HSPA4: variants seen among roughly 807,000 people sequenced by gnomAD.
The protein encoded by HSPA4 is heat shock protein family A (Hsp70) member 4, also known as heat shock 70 kDa protein 4.
In HSPA4, 25 loss-of-function variants were observed where a neutral mutation model predicts 106.2. That is an observed-to-expected ratio of 0.24 (90% CI 0.17 to 0.33). The LOEUF (loss-of-function observed/expected upper bound fraction) is 0.33. Ranked by LOEUF, HSPA4 falls within the 10% of genes least tolerant of loss-of-function variation. The probability of loss-of-function intolerance (pLI) is 1.00; values close to 1 mark genes in which losing one functional copy is unlikely to be tolerated. For missense variants in HSPA4, 841 were observed against 996.0 expected, an observed-to-expected ratio of 0.84 and a Z score of 2.10; for synonymous variants, 332 against 333.6, an observed-to-expected ratio of 1.00 and a Z score of 0.05.
At chr5:133,068,619 TAAAG>T (rs1303654507) in intron 3 of HSPA4, among the ~76,000 whole-genome samples, 1 of 152,166 alleles carries the variant, frequency 6.6e-6, no homozygotes, top group African/African-American at 2.4e-5. Flanking sequence ...TTCTGAAAAT[TAAAG>T]AATGATGACT....
rs543376808 is a variant in HSPA4, at chr5:133,073,963, T to C, written c.530-30T>C. ...ATGAATTTTATTTACTTAGACGTTATTTTTAATTTTTGTGTTTTTTCTTCT... is the reference window on the plus strand; with the variant it reads ...ATGAATTTTATTTACTTAGACGTTACTTTTAATTTTTGTGTTTTTTCTTCT... On this transcript the variant is annotated intron_variant, in intron 5 of 18. Coordinates refer to ENST00000304858, the MANE Select transcript of HSPA4 (RefSeq NM_002154.4). 6 of 1,505,948 alleles carry C rather than the reference T, an allele frequency of 4.0e-6. No homozygotes were observed. The African/African-American group carries it at 8.5e-5, about 21-fold the overall frequency. 93.3% of individuals were successfully genotyped at this position (1,505,948 alleles called of 1,614,324 possible).
intron 1 of HSPA4, among the ~76,000 whole-genome samples, chr5:133,053,328 C>CT (rs58722769): frequency 0.23 from 29,271 of 128,738 alleles, 4,014 homozygotes; most frequent in Non-Finnish European, 0.29. Context: ...GGTCTCTCTT[C>CT]TTTTTTTTTT....
rs539728489 is a variant in HSPA4 at position 133,066,770 on chromosome 5, A to G, written c.166-647A>G. ...TTTTTTTTTGAGAGTGCAGTTTTTG[A>G]GAGTGCAGTGGCCCTGTCAGCGCAA... On this transcript the variant is annotated intron_variant, in intron 2 of 18. Coordinates refer to ENST00000304858, the MANE Select transcript of HSPA4 (RefSeq NM_002154.4). Among the ~76,000 whole-genome samples the G allele has an allele frequency of 2.4e-5, 3 of 127,288 alleles. No homozygotes were observed. In the East Asian group the frequency reaches 7.3e-4, roughly 31 times the overall value. 83.5% of individuals were successfully genotyped at this position (127,288 alleles called of 152,430 possible). A position where few individuals can be genotyped will look rare whatever the true frequency, so the allele number is the denominator to read the frequency against.
chr5:133,075,126 G>GT (rs1314404208), intron 6 of HSPA4, among the ~76,000 whole-genome samples: 1 of 151,972 alleles, frequency 6.6e-6, no homozygotes, highest in Non-Finnish European at 1.5e-5. Flanking sequence ...GTTTTATATT[G>GT]TTTCTAGGTG....
At position 133,092,662 on chromosome 5, in the gene HSPA4, C is replaced by T. The variant is rs769005001; in HGVS notation, c.1561-38C>T. The T allele has an allele frequency of 1.7e-5, 23 of 1,342,640 alleles. No homozygotes were observed. In the South Asian group the frequency reaches 2.5e-4, roughly 15 times the overall value. 83.2% of individuals were successfully genotyped at this position (1,342,640 alleles called of 1,614,324 possible). On this transcript the variant is annotated intron_variant, in intron 12 of 18. Transcript: ENST00000304858. ...CAATGTGTAATGAAGGTTGTTTAGTCTTCCTAATTGCAGGATTTAATTTGA... is the reference window on the plus strand; with the variant it reads ...CAATGTGTAATGAAGGTTGTTTAGTTTTCCTAATTGCAGGATTTAATTTGA...
intron 4 of HSPA4, among the ~76,000 whole-genome samples, chr5:133,070,860 C>G (rs1051469001): frequency 6.6e-6 from 1 of 152,174 alleles, no homozygotes; most frequent in Non-Finnish European, 1.5e-5. Context: ...CGAGATCATG[C>G]CATTGCACTT....
chr5:133,072,448 G>A (rs145992490), intron 4 of HSPA4, among the ~76,000 whole-genome samples: 77 of 141,204 alleles, frequency 5.5e-4, no homozygotes, highest in African/African-American at 1.9e-3. Context: ...TTCCCAGCTG[G>A]GAGTGCAGTG....
chr5:133,105,507 A>C lies in HSPA4; in HGVS notation c.*1071A>C, dbSNP rs987700848. ...AAGTGTGGTGCCTGATGTTATAACA[A>C]CACCTCATTCTTAACTGTGTGGCCA... On this transcript the variant is annotated 3_prime_UTR_variant, in exon 19 of 19. Transcript: ENST00000304858. 1 of 152,188 alleles carries C rather than the reference A, an allele frequency of 6.6e-6. No homozygotes were observed. The highest frequency in any genetic ancestry group is 1.5e-5 in the Non-Finnish European group (1 of 68,040). The allele number at this position is 152,188 out of a possible 1,614,324, so 9.4% of individuals were successfully genotyped here.
In HSPA4 at chr5:133,096,254, G is replaced by C. The variant is rs200008798; in HGVS notation, c.1803+4G>C. The C allele has an allele frequency of 6.2e-7, 1 of 1,610,468 alleles. No homozygotes were observed. Among genetic ancestry groups the C allele is most frequent in the East Asian group, 2.2e-5 (1 of 44,810 alleles). ...CAACTTGTACATTGAAAATGAGGTT[G>C]TTATTTAAAGTCTATTGGAACAATG... On this transcript the variant is annotated splice_donor_region_variant and intron_variant, in intron 14 of 18. Coordinates refer to ENST00000304858, the MANE Select transcript of HSPA4 (RefSeq NM_002154.4).
chr5:133,067,432 A>G lies in HSPA4; in HGVS notation c.181A>G (p.Lys61Glu). Residue 61 changes from lysine (K) to glutamate (E), a missense_variant, in exon 3 of 19, where the codon AAG becomes GAG. Lys to Glu is a moderately conservative substitution (Grantham distance 56, BLOSUM62 1). Transcript: ENST00000304858. ...AAKSQVISNA[K>E]NTVQGFKRFH... ...TTTCTCTTAGGTAATTTCTAATGCA[A>G]AGAACACAGTCCAAGGATTTAAAAG... The G allele has an allele frequency of 6.2e-7, 1 of 1,612,186 alleles. No individual in the cohort carries two copies. Among genetic ancestry groups the G allele is most frequent in the Non-Finnish European group, 8.5e-7 (1 of 1,179,280 alleles).
At chr5:133,080,001 G>C (rs1765493862) in intron 7 of HSPA4, among the ~76,000 whole-genome samples, 2 of 152,152 alleles carry the variant, frequency 1.3e-5, no homozygotes, top group African/African-American at 4.8e-5. Flanking sequence ...CTTAAATGCA[G>C]TAACAATCTA....
chr5:133,054,627 C>G (rs1765136103), intron 1 of HSPA4, among the ~76,000 whole-genome samples: 1 of 152,192 alleles, frequency 6.6e-6, no homozygotes, highest in African/African-American at 2.4e-5. Flanking sequence ...TTATCACTCC[C>G]CCAAAGCCCT....
chr5:133,096,013 C>A, intron 13 of HSPA4, 85 bp from the exon 14 acceptor site: 1 of 1,222,444 alleles, frequency 8.2e-7, no homozygotes. Context: ...GTAAAAAAAG[C>A]AAAAACAGTT....
At chr5:133,056,404 T>C (rs1765165317) in intron 1 of HSPA4, among the ~76,000 whole-genome samples, 1 of 152,164 alleles carries the variant, frequency 6.6e-6, no homozygotes. Context: ...CAGGCTGGAG[T>C]GCATTGTTGC....
At chr5:133,095,579 A>G (rs1765701559) in intron 13 of HSPA4, among the ~76,000 whole-genome samples, 1 of 152,212 alleles carries the variant, frequency 6.6e-6, no homozygotes, top group African/African-American at 2.4e-5. Flanking sequence ...AATTACCAAT[A>G]TGTTACTACT....
intron 15 of HSPA4, 25 bp downstream of exon 15, chr5:133,097,311 C>T (rs1212918875): frequency 1.9e-6 from 3 of 1,601,780 alleles, no homozygotes; most frequent in South Asian, 1.1e-5. Context: ...ATATGCCTAA[C>T]TACTGTGTGT....
intron 3 of HSPA4, among the ~76,000 whole-genome samples, chr5:133,069,520 G>A (rs909778093): frequency 2.0e-5 from 3 of 152,234 alleles, no homozygotes; most frequent in Admixed American, 1.3e-4. Flanking sequence ...CAAAATGCTG[G>A]GACTACAGGT....
intron 7 of HSPA4, among the ~76,000 whole-genome samples, chr5:133,084,255 T>G (rs1304555044): frequency 6.6e-6 from 1 of 152,250 alleles, no homozygotes; most frequent in African/African-American, 2.4e-5. Context: ...CATTTGTTTG[T>G]TTCACATGCC....
At position 133,052,398 on chromosome 5, in the gene HSPA4, A is replaced by G. The variant is rs1178872055; in HGVS notation, c.107+41A>G. The G allele has an allele frequency of 4.7e-6, 6 of 1,282,690 alleles. No individual in the cohort carries two copies. In the East Asian group the frequency reaches 1.6e-4, roughly 34 times the overall value. The allele number at this position is 1,282,690 out of a possible 1,614,324, so 79.5% of individuals were successfully genotyped here. ...GCCTGCCGCGTGCACTGGGGTTAGG[A>G]GATAATGCTTGTTCCAGTCTGGGAC... On this transcript the variant is annotated intron_variant, in intron 1 of 18. Transcript: ENST00000304858.
Sources: allele counts gnomAD v4.1 joint callset (sites outside exome capture counted in the v4.1 genomes callset), GRCh38; gene constraint gnomAD v4.1.1; transcripts MANE v1.5; gene names NCBI Gene and HGNC (gene_info 2026-07-23, HGNC 2026-07-21).